The following AKAP13 variants were observed in gnomAD, a reference collection of about 807,000 sequenced individuals.
AKAP13 encodes A-kinase anchoring protein 13.
In AKAP13, 80 loss-of-function variants were observed where a neutral mutation model predicts 264.5. The observed-to-expected ratio is 0.30, with a 90% confidence interval of 0.25 to 0.36. The LOEUF (loss-of-function observed/expected upper bound fraction) is 0.36, where lower values mean the gene tolerates loss of function less well. Among genes scored for constraint, AKAP13 ranks in the 10% least tolerant of loss-of-function variants. AKAP13 has a pLI of 1.00. For missense variants in AKAP13, 3,712 were observed against 3,435.2 expected, an observed-to-expected ratio of 1.08 and a Z score of -2.01; for synonymous variants, 1,380 against 1,250.2, an observed-to-expected ratio of 1.10 and a Z score of -2.19.
chr15:85,474,647 C>T (rs2075088453), intron 1 of AKAP13, among the ~76,000 whole-genome samples: 1 of 152,174 alleles, frequency 6.6e-6, no homozygotes, highest in South Asian at 2.1e-4. Flanking sequence ...AGAATTTTCA[C>T]TTAATTATGA....
At chr15:85,436,017 C>T (rs1247948808) in intron 1 of AKAP13, among the ~76,000 whole-genome samples, 2 of 147,290 alleles carry the variant, frequency 1.4e-5, no homozygotes, top group Non-Finnish European at 3.0e-5. Flanking sequence ...AAGACACAGA[C>T]TGGCAAATTG....
chr15:85,461,328 C>T (rs917124563), intron 1 of AKAP13, among the ~76,000 whole-genome samples: 1 of 152,090 alleles, frequency 6.6e-6, no homozygotes, highest in African/African-American at 2.4e-5. Flanking sequence ...GTTGGCCAGG[C>T]TGGTCTCAAA....
intron 33 of AKAP13, among the ~76,000 whole-genome samples, chr15:85,737,964 C>G (rs2088663534): frequency 6.6e-6 from 1 of 152,032 alleles, no homozygotes; most frequent in South Asian, 2.1e-4. Flanking sequence ...GGCGACTTTT[C>G]CCTCTATATT....
At chr15:85,550,550 T>C (rs16941269) in intron 5 of AKAP13, among the ~76,000 whole-genome samples, 1,602 of 152,334 alleles carry the variant, frequency 0.011, 29 homozygotes, top group African/African-American at 0.037. Context: ...AACCAAGTGC[T>C]ATTGAGCAAG....
chr15:85,744,916 C>A lies in AKAP13; in HGVS notation c.*239C>A. The A allele has an allele frequency of 2.2e-6, 1 of 451,616 alleles. No individual in the cohort carries two copies. Among genetic ancestry groups the A allele is most frequent in the East Asian group, 3.8e-5 (1 of 26,170 alleles). The allele number at this position is 451,616 out of a possible 1,614,324, so 28.0% of individuals were successfully genotyped here. A position where few individuals can be genotyped will look rare whatever the true frequency, so the allele number is the denominator to read the frequency against. ...GACTGCCCAGGACTCTCAGGTTGGG[C>A]TGGCCCTACTCAGGATTACACTGAA... On this transcript the variant is annotated 3_prime_UTR_variant, in exon 37 of 37. Transcript: ENST00000394518.
intron 1 of AKAP13, among the ~76,000 whole-genome samples, chr15:85,425,454 A>C (rs1013012479): frequency 6.6e-6 from 1 of 152,092 alleles, no homozygotes; most frequent in African/African-American, 2.4e-5. Context: ...GGTGGCTCAC[A>C]CCTGTAATCC....
At chr15:85,517,900 G>A (rs1488542768) in intron 2 of AKAP13, among the ~76,000 whole-genome samples, 1 of 152,180 alleles carries the variant, frequency 6.6e-6, no homozygotes, top group Non-Finnish European at 1.5e-5. Context: ...AAATATCTGT[G>A]TAAGGGGATC....
intron 23 of AKAP13, among the ~76,000 whole-genome samples, chr15:85,720,632 C>T (rs1439879796): frequency 6.6e-6 from 1 of 152,126 alleles, no homozygotes; most frequent in Non-Finnish European, 1.5e-5. Flanking sequence ...TGCAGATTCC[C>T]CAAAGATGCA....
intron 14 of AKAP13, among the ~76,000 whole-genome samples, chr15:85,678,339 G>A (rs1373295546): frequency 6.6e-6 from 1 of 152,102 alleles, no homozygotes; most frequent in African/African-American, 2.4e-5. Flanking sequence ...TCTCAAGCTG[G>A]CATTTTCACA....
intron 2 of AKAP13, among the ~76,000 whole-genome samples, chr15:85,519,200 C>A (rs1356189107): frequency 6.6e-6 from 1 of 151,984 alleles, no homozygotes; most frequent in South Asian, 2.1e-4. Flanking sequence ...GCAAAACTAG[C>A]CATGGATGAT....
At chr15:85,405,960 G>C (rs142676156) in intron 1 of AKAP13, among the ~76,000 whole-genome samples, 96 of 152,178 alleles carry the variant, frequency 6.3e-4, no homozygotes, top group African/African-American at 2.2e-3. Flanking sequence ...CAGACCTGCT[G>C]CTTCAGCTTC....
chr15:85,707,988 C>A, intron 17 of AKAP13, 31 bp from the exon 18 acceptor site: 1 of 1,611,520 alleles, frequency 6.2e-7, no homozygotes, highest in South Asian at 1.1e-5. Flanking sequence ...TTTGCTTTGT[C>A]CATGTGACCT....
In AKAP13 at chr15:85,743,722, C is replaced by A; in HGVS notation, c.8289C>A (p.Ala2763=). 1 of 1,614,128 alleles carries A rather than the reference C, an allele frequency of 6.2e-7. No homozygotes were observed. The highest frequency in any genetic ancestry group is 8.5e-7 in the Non-Finnish European group (1 of 1,180,026). ...TNKGPEGQSQ[A]PASTSASTRL... Reference sequence around the variant, plus strand: ...AAGGACCAGAAGGGCAGAGCCAGGCCCCTGCGTCCACCTCTGCCTCTACCC... The same window carrying A: ...AAGGACCAGAAGGGCAGAGCCAGGCACCTGCGTCCACCTCTGCCTCTACCC... Residue 2763 remains alanine, a synonymous_variant, in exon 36 of 37, where the codon GCC becomes GCA. Coordinates refer to ENST00000394518, the MANE Select transcript of AKAP13 (RefSeq NM_007200.5).
At chr15:85,712,966 T>C (rs2086712445) in intron 19 of AKAP13, among the ~76,000 whole-genome samples, 1 of 152,246 alleles carries the variant, frequency 6.6e-6, no homozygotes, top group African/African-American at 2.4e-5. Flanking sequence ...GCTGTGTAAC[T>C]GGACATTACC....
intron 7 of AKAP13, among the ~76,000 whole-genome samples, chr15:85,584,382 T>TC (rs1200624390): frequency 1.3e-5 from 2 of 152,160 alleles, no homozygotes; most frequent in Non-Finnish European, 2.9e-5. Context: ...ATGCATCTTT[T>TC]CAAAGTTGAT....
At chr15:85,677,869 C>T (rs1437085310) in intron 14 of AKAP13, among the ~76,000 whole-genome samples, 3 of 152,166 alleles carry the variant, frequency 2.0e-5, no homozygotes, top group East Asian at 1.9e-4. Context: ...AGCATGATCT[C>T]GATCTCTTGA....
At position 85,741,380 on chromosome 15, in the gene AKAP13, A is replaced by T. The variant is rs2088953233; in HGVS notation, c.7943A>T (p.Gln2648Leu). The T allele has an allele frequency of 1.9e-6, 3 of 1,614,026 alleles. No homozygotes were observed. The highest frequency in any genetic ancestry group is 2.5e-6 in the Non-Finnish European group (3 of 1,180,028). The change falls in exon 35 of 37, where the codon CAG becomes CTG. Residue 2648 changes from glutamine (Q) to leucine (L), a missense_variant. Coordinates refer to ENST00000394518, the MANE Select transcript of AKAP13 (RefSeq NM_007200.5). ...EELQQKKGTY[Q>L]YDLERLRAAQ... The stretch of plus-strand genomic sequence containing the variant: ...CTCCAGCAGAAGAAGGGCACATACC[A>T]GTATGACCTGGAGCGACTGCGTGCT...
At chr15:85,653,209 T>C (rs1394807305) in intron 10 of AKAP13, among the ~76,000 whole-genome samples, 4 of 152,228 alleles carry the variant, frequency 2.6e-5, no homozygotes, top group African/African-American at 9.6e-5. Flanking sequence ...ATAGTTTTAT[T>C]TTACAGAGTG....
chr15:85,532,544 T>C (rs967438219), intron 3 of AKAP13, among the ~76,000 whole-genome samples: 12 of 152,350 alleles, frequency 7.9e-5, no homozygotes, highest in African/African-American at 2.9e-4. Context: ...TTAACTCTAC[T>C]TTCTTTTCTG....
Sources: gnomAD v4.1 joint callset for allele counts (sites outside exome capture counted in the v4.1 genomes callset) on GRCh38, gnomAD v4.1.1 for gene constraint, MANE v1.5 for transcripts, NCBI Gene and HGNC (gene_info 2026-07-23, HGNC 2026-07-21) for gene names.